LRRC3: variants seen among roughly 807,000 people sequenced by gnomAD.
LRRC3 encodes leucine rich repeat containing 3.
For synonymous variants in LRRC3, 172 were observed against 164.1 expected, an observed-to-expected ratio of 1.05 and a Z score of -0.37; for missense variants, 351 against 361.6, an observed-to-expected ratio of 0.97 and a Z score of 0.24.
In LRRC3 at chr21:44,456,662, A is replaced by C. The variant is rs1601288337; in HGVS notation, c.18A>C (p.Pro6=). The change falls in exon 2 of 2, where the codon CCA becomes CCC. Residue 6 remains proline (P), a synonymous_variant. Transcript: ENST00000291592. ...AGGTCAGGATGGGCACCGTGCGCCC[A>C]CCTCGCCCCTCGCTCCTGCTGGTCT... MGTVR[P]PRPSLLLVST... The C allele has an allele frequency of 6.3e-7, 1 of 1,598,690 alleles. No homozygotes were observed. The highest frequency in any genetic ancestry group is 1.1e-5 in the South Asian group (1 of 89,852).
rs777242351 is a variant in LRRC3, at chr21:44,457,052, C to T, written c.408C>T (p.Leu136=). The T allele has an allele frequency of 3.7e-6, 6 of 1,606,794 alleles. No homozygotes were observed. The highest frequency in any genetic ancestry group is 5.1e-6 in the Non-Finnish European group (6 of 1,179,224). The part of the protein sequence containing the change: ...QRIPKDALGK[L]SAKIRLSHNP... Reference sequence around the variant, plus strand: ...TCCCCAAGGACGCCCTGGGCAAACTCAGCGCCAAGATACGCCTGTCCCACA... The same window carrying T: ...TCCCCAAGGACGCCCTGGGCAAACTTAGCGCCAAGATACGCCTGTCCCACA... The change falls in exon 2 of 2, where the codon CTC becomes CTT. Residue 136 remains leucine, a synonymous_variant. Coordinates refer to ENST00000291592, the MANE Select transcript of LRRC3 (RefSeq NM_030891.6).
At position 44,457,222 on chromosome 21, in the gene LRRC3, C is replaced by G. The variant is rs1411284630; in HGVS notation, c.578C>G (p.Ala193Gly). The G allele has an allele frequency of 6.2e-7, 1 of 1,613,934 alleles. No individual in the cohort carries two copies. The highest frequency in any genetic ancestry group is 1.3e-5 in the African/African-American group (1 of 75,064). ...KPLVQALDAG[A>G]SLCSVPHRTT... ...CTGGTTCAGGCTCTGGATGCGGGTG[C>G]CAGCCTCTGCAGCGTCCCCCACAGG... The change falls in exon 2 of 2, where the codon GCC becomes GGC. Residue 193 changes from alanine to glycine, a missense_variant. Coordinates refer to ENST00000291592, the MANE Select transcript of LRRC3 (RefSeq NM_030891.6).
rs1188750147 is a variant in LRRC3 at position 44,459,611 on chromosome 21, C to T, written c.*2193C>T. On this transcript the variant is annotated 3_prime_UTR_variant, in exon 2 of 2. Coordinates refer to ENST00000291592, the MANE Select transcript of LRRC3 (RefSeq NM_030891.6). ...GGTGAAGGCAGGGCCTCTCCTCAGC[C>T]CTGTGTCCTGTGGGTGCCAGCCAGT... The T allele has an allele frequency of 6.6e-6, 1 of 152,562 alleles. No individual in the cohort carries two copies. Among genetic ancestry groups the T allele is most frequent in the African/African-American group, 2.4e-5 (1 of 41,452 alleles). The allele number at this position is 152,562 out of a possible 1,614,324, so 9.5% of individuals were successfully genotyped here.
In LRRC3 at chr21:44,458,799, T is replaced by C. The variant is rs1394460961; in HGVS notation, c.*1381T>C. 1 of 167,056 alleles carries C rather than the reference T, an allele frequency of 6.0e-6. No homozygotes were observed. The highest frequency in any genetic ancestry group is 2.4e-5 in the African/African-American group (1 of 41,434). The allele number at this position is 167,056 out of a possible 1,614,324, so 10.3% of individuals were successfully genotyped here. A position where few individuals can be genotyped will look rare whatever the true frequency, so the allele number is the denominator to read the frequency against. On this transcript the variant is annotated 3_prime_UTR_variant, in exon 2 of 2. Coordinates refer to ENST00000291592, the MANE Select transcript of LRRC3 (RefSeq NM_030891.6). ...AAATGAGTGATCAGTGTACATTGTG[T>C]GTGGACTGAAGTGTAGGTATGTAGA...
rs577919998 is a variant in LRRC3 at position 44,461,821 on chromosome 21, G to A, written c.*4403G>A. The A allele has an allele frequency of 2.0e-4, 31 of 152,604 alleles. No individual in the cohort carries two copies. The highest frequency in any genetic ancestry group is 7.0e-4 in the African/African-American group (29 of 41,600). The allele number at this position is 152,604 out of a possible 1,614,324, so 9.5% of individuals were successfully genotyped here. A position where few individuals can be genotyped will look rare whatever the true frequency, so the allele number is the denominator to read the frequency against. The stretch of plus-strand genomic sequence containing the variant: ...GAGCCCGGCTTCTAAGGAACTCTGA[G>A]CAGGTGTGGTCCATGGCTGGGAGGC... On this transcript the variant is annotated 3_prime_UTR_variant, in exon 2 of 2. Coordinates refer to ENST00000291592, the MANE Select transcript of LRRC3 (RefSeq NM_030891.6).
rs1305891926 is a variant in LRRC3, at chr21:44,456,569, C to G, written c.-76C>G. 6.8e-7 allele frequency: 1 copy of G among 1,460,408 alleles called. No homozygotes were observed. Among genetic ancestry groups the G allele is most frequent in the Non-Finnish European group, 9.2e-7 (1 of 1,087,210 alleles). 90.5% of individuals were successfully genotyped at this position (1,460,408 alleles called of 1,614,324 possible). On this transcript the variant is annotated 5_prime_UTR_variant, in exon 2 of 2. Coordinates refer to ENST00000291592, the MANE Select transcript of LRRC3 (RefSeq NM_030891.6). ...CGGTTTCATGTCTGGTTGGATAAGG[C>G]CTTGCCTGCGGAAACCAGCTCCATC...
rs74386367 is a variant in LRRC3, at chr21:44,456,524, C to T, written c.-121C>T. 1.7e-3 allele frequency: 1,881 copies of T among 1,075,138 alleles called. 20 individuals carry two copies. In the African/African-American group the frequency reaches 0.024, roughly 13 times the overall value. The allele number at this position is 1,075,138 out of a possible 1,614,324, so 66.6% of individuals were successfully genotyped here. On this transcript the variant is annotated 5_prime_UTR_variant, in exon 2 of 2. Coordinates refer to ENST00000291592, the MANE Select transcript of LRRC3 (RefSeq NM_030891.6). ...GCTGCCAGAGTGGACTGCACTGCTTCTCCCAGCGGGGCAGGATGGCGGTTT... is the reference window on the plus strand; with the variant it reads ...GCTGCCAGAGTGGACTGCACTGCTTTTCCCAGCGGGGCAGGATGGCGGTTT...
chr21:44,456,679 T>G lies in LRRC3; in HGVS notation c.35T>G (p.Leu12Arg). The G allele has an allele frequency of 6.2e-7, 1 of 1,606,918 alleles. No homozygotes were observed. Among genetic ancestry groups the G allele is most frequent in the South Asian group, 1.1e-5 (1 of 90,866 alleles). The change falls in exon 2 of 2, where the codon CTG (leucine) becomes CGG (arginine). Residue 12 changes from leucine (L) to arginine (R), a missense_variant. Transcript: ENST00000291592. Reference protein sequence around the residue: ...GTVRPPRPSLLLVSTRESCLF... With the variant: ...GTVRPPRPSLRLVSTRESCLF... The stretch of plus-strand genomic sequence containing the variant: ...GTGCGCCCACCTCGCCCCTCGCTCC[T>G]GCTGGTCTCCACCCGGGAGTCTTGT...
chr21:44,456,992 G>A lies in LRRC3; in HGVS notation c.348G>A (p.Arg116=). Residue 116 remains arginine (R), a synonymous_variant, in exon 2 of 2, where the codon CGG becomes CGA. Transcript: ENST00000291592. Reference sequence around the variant, plus strand: ...TCGCGGGCCTGGCCGGGGGCCTGCGGCTGCTGGACCTGTCTTACAACCGCA... The same window carrying A: ...TCGCGGGCCTGGCCGGGGGCCTGCGACTGCTGGACCTGTCTTACAACCGCA... ...ATFAGLAGGL[R]LLDLSYNRIQ... 1 of 1,606,660 alleles carries A rather than the reference G, an allele frequency of 6.2e-7. No homozygotes were observed. The highest frequency in any genetic ancestry group is 8.5e-7 in the Non-Finnish European group (1 of 1,179,874).
Position 44,457,302 on chromosome 21 carries a change from G to T in LRRC3, c.658G>T (p.Ala220Ser). Reference sequence around the variant, plus strand: ...GTTCGGCTGGTTCGCCATGGTGATCGCCTACGTCGTGTACTATGTGCGCCA... The same window carrying T: ...GTTCGGCTGGTTCGCCATGGTGATCTCCTACGTCGTGTACTATGTGCGCCA... ...TMFGWFAMVI[A>S]YVVYYVRHNQ... The change falls in exon 2 of 2, where the codon GCC (alanine) becomes TCC (serine). Residue 220 changes from alanine (A) to serine (S), a missense_variant. Physicochemically the swap from Ala to Ser is moderately conservative, Grantham distance 99 (BLOSUM62 1). Coordinates refer to ENST00000291592, the MANE Select transcript of LRRC3 (RefSeq NM_030891.6). The T allele has an allele frequency of 6.2e-7, 1 of 1,613,692 alleles. No homozygotes were observed. Among genetic ancestry groups the T allele is most frequent in the Non-Finnish European group, 8.5e-7 (1 of 1,180,024 alleles).
At position 44,457,435 on chromosome 21, in the gene LRRC3, C is replaced by G. The variant is rs768748576; in HGVS notation, c.*17C>G. On this transcript the variant is annotated 3_prime_UTR_variant, in exon 2 of 2. Transcript: ENST00000291592. ...GGGCCCTAGCGCCTGTTCCGGCAGA[C>G]CCCCGCCGGTGGCTGCTGTCACTTT... 6.5e-7 allele frequency: 1 copy of G among 1,548,828 alleles called. No individual in the cohort carries two copies. The highest frequency in any genetic ancestry group is 8.7e-7 in the Non-Finnish European group (1 of 1,145,160).
At position 44,461,354 on chromosome 21, in the gene LRRC3, C is replaced by G. The variant is rs1270584964; in HGVS notation, c.*3936C>G. The G allele has an allele frequency of 6.6e-6, 1 of 152,276 alleles. No homozygotes were observed. Among genetic ancestry groups the G allele is most frequent in the African/African-American group, 2.4e-5 (1 of 41,442 alleles). The allele number at this position is 152,276 out of a possible 1,614,324, so 9.4% of individuals were successfully genotyped here. On this transcript the variant is annotated 3_prime_UTR_variant, in exon 2 of 2. Coordinates refer to ENST00000291592, the MANE Select transcript of LRRC3 (RefSeq NM_030891.6). ...GTGAGGAGGCTCCTCTCATGAAGGGCCCTGGGGAAGTGGAATCTGGCCCTG... is the reference window on the plus strand; with the variant it reads ...GTGAGGAGGCTCCTCTCATGAAGGGGCCTGGGGAAGTGGAATCTGGCCCTG...
In LRRC3 at chr21:44,461,609, G is replaced by A. The variant is rs2051746947; in HGVS notation, c.*4191G>A. The A allele has an allele frequency of 6.6e-6, 1 of 152,382 alleles. No individual in the cohort carries two copies. Among genetic ancestry groups the A allele is most frequent in the African/African-American group, 2.4e-5 (1 of 41,466 alleles). 9.4% of individuals were successfully genotyped at this position (152,382 alleles called of 1,614,324 possible). ...GCAGGACATGGGGACGAGTGTCCAG[G>A]CTGAAGTCAGGGCCCGGCCAGCAGA... On this transcript the variant is annotated 3_prime_UTR_variant, in exon 2 of 2. Transcript: ENST00000291592.
chr21:44,457,171 T>G lies in LRRC3; in HGVS notation c.527T>G (p.Val176Gly), dbSNP rs1031566607. The G allele has an allele frequency of 6.2e-7, 1 of 1,613,768 alleles. No individual in the cohort carries two copies. The highest frequency in any genetic ancestry group is 1.1e-5 in the South Asian group (1 of 91,086). ...GACGAGATCGCCTGCCACACCTCAGTGCAGGAGGAGTTTGTGGGGAAGCCT... is the reference window on the plus strand; with the variant it reads ...GACGAGATCGCCTGCCACACCTCAGGGCAGGAGGAGTTTGTGGGGAAGCCT... ...SVDEIACHTS[V>G]QEEFVGKPLV... is the part of the protein sequence containing the mutation. The change falls in exon 2 of 2, where the codon GTG becomes GGG. Residue 176 changes from valine (V) to glycine (G), a missense_variant. Coordinates refer to ENST00000291592, the MANE Select transcript of LRRC3 (RefSeq NM_030891.6).
At chr21:44,456,176 C>T (rs2051697799) in intron 1 of LRRC3, among the ~76,000 whole-genome samples, 5 of 152,094 alleles carry the variant, frequency 3.3e-5, no homozygotes, top group Admixed American at 2.0e-4. Flanking sequence ...TCCAAGCCGC[C>T]GCCACTCCGC....
At position 44,456,939 on chromosome 21, in the gene LRRC3, G is replaced by T. The variant is rs2051707122; in HGVS notation, c.295G>T (p.Ala99Ser). Residue 99 changes from alanine (A) to serine (S), a missense_variant, in exon 2 of 2, where the codon GCC (alanine) becomes TCC (serine). Ala to Ser is a moderately conservative substitution (Grantham distance 99, BLOSUM62 1). Transcript: ENST00000291592. ...RLRELDLSHN[A>S]IEAIGSATFA... Reference sequence around the variant, plus strand: ...CAGGGAGCTGGATCTGTCTCACAACGCCATCGAGGCCATCGGCTCCGCCAC... The same window carrying T: ...CAGGGAGCTGGATCTGTCTCACAACTCCATCGAGGCCATCGGCTCCGCCAC... 1.9e-6 allele frequency: 3 copies of T among 1,609,276 alleles called. No individual in the cohort carries two copies. Among genetic ancestry groups the T allele is most frequent in the Non-Finnish European group, 2.5e-6 (3 of 1,179,876 alleles).
chr21:44,461,294 A>G lies in LRRC3; in HGVS notation c.*3876A>G, dbSNP rs2051744674. ...GCCTGCCGGGGGTTGCGTGACAGGC[A>G]GTGGGGAGTGGGTTGTGCTGGCAGC... On this transcript the variant is annotated 3_prime_UTR_variant, in exon 2 of 2. Coordinates refer to ENST00000291592, the MANE Select transcript of LRRC3 (RefSeq NM_030891.6). 6.5e-6 allele frequency: 1 copy of G among 152,840 alleles called. No individual in the cohort carries two copies. The highest frequency in any genetic ancestry group is 6.5e-5 in the Admixed American group (1 of 15,290). The allele number at this position is 152,840 out of a possible 1,614,324, so 9.5% of individuals were successfully genotyped here.
In LRRC3 at chr21:44,458,573, C is replaced by T. The variant is rs2051723493; in HGVS notation, c.*1155C>T. The T allele has an allele frequency of 1.8e-5, 3 of 167,092 alleles. No individual in the cohort carries two copies. The Admixed American group carries it at 2.0e-4, about 11-fold the overall frequency. The allele number at this position is 167,092 out of a possible 1,614,324, so 10.4% of individuals were successfully genotyped here. Reference sequence around the variant, plus strand: ...CAATCAATGGGATGCTTCGTTTTCTCCAGCAACAGGAACTCTCTCTTTTCA... The same window carrying T: ...CAATCAATGGGATGCTTCGTTTTCTTCAGCAACAGGAACTCTCTCTTTTCA... On this transcript the variant is annotated 3_prime_UTR_variant, in exon 2 of 2. Coordinates refer to ENST00000291592, the MANE Select transcript of LRRC3 (RefSeq NM_030891.6).
At chr21:44,456,193 GC>G (rs2146448497) in intron 1 of LRRC3, among the ~76,000 whole-genome samples, 1 of 152,280 alleles carries the variant, frequency 6.6e-6, no homozygotes, top group East Asian at 1.9e-4. Context: ...CCGCCGCCCG[GC>G]CTTTGGTCCC....
Sources: gnomAD v4.1 joint callset for allele counts (sites outside exome capture counted in the v4.1 genomes callset) on GRCh38, gnomAD v4.1.1 for gene constraint, MANE v1.5 for transcripts, NCBI Gene and HGNC (gene_info 2026-07-23, HGNC 2026-07-21) for gene names.